ZNF81: variants seen among roughly 807,000 people sequenced by gnomAD.
The protein encoded by ZNF81 is zinc finger protein 81, also known as zinc finger protein 81 (HFZ20).
Under a neutral mutation model 32.3 loss-of-function variants are expected in ZNF81, and 5 were observed. The ratio of observed to expected loss-of-function variants is 0.15; its 90% CI spans 0.08 to 0.33. The LOEUF (loss-of-function observed/expected upper bound fraction) is 0.33, where lower values mean the gene tolerates loss of function less well. ZNF81 is among the 10% of genes least tolerant of loss of function. ZNF81 has a pLI of 1.00. For synonymous variants in ZNF81, 163 were observed against 166.8 expected (o/e 0.98, Z 0.17); for missense variants, 379 against 479.8 (o/e 0.79, Z 1.96).
intron 1 of ZNF81, among the ~76,000 whole-genome samples, chrX:47,843,500 T>C (rs1424161624): frequency 2.7e-5 from 3 of 109,596 alleles, no homozygotes; most frequent in Non-Finnish European, 5.7e-5. Flanking sequence ...CTAGAGAGTT[T>C]TTTTTATGAC....
chrX:47,868,339 T>A (rs782810804), intron 2 of ZNF81, among the ~76,000 whole-genome samples: 134 of 111,874 alleles, frequency 1.2e-3, no homozygotes, highest in Middle Eastern at 4.6e-3. Flanking sequence ...TGCTTTTTTT[T>A]ATACTATTCT....
chrX:47,911,085 A>C (rs1228242586), intron 4 of ZNF81, among the ~76,000 whole-genome samples: 1 of 111,258 alleles, frequency 9.0e-6, no homozygotes, highest in East Asian at 2.8e-4. Flanking sequence ...CATTGCATTT[A>C]TCTTTGCCAT....
At chrX:47,869,887 G>C (rs1419271494) in intron 2 of ZNF81, among the ~76,000 whole-genome samples, 1 of 110,669 alleles carries the variant, frequency 9.0e-6, no homozygotes, top group Non-Finnish European at 1.9e-5. Context: ...GTAGAGACAG[G>C]GTTTTGTCAT....
intron 2 of ZNF81, among the ~76,000 whole-genome samples, chrX:47,882,503 C>T (rs983633913): frequency 1.8e-5 from 2 of 112,127 alleles, no homozygotes; most frequent in Non-Finnish European, 3.8e-5. Flanking sequence ...TATGAAGACA[C>T]CACAATTTGT....
intron 1 of ZNF81, among the ~76,000 whole-genome samples, chrX:47,837,694 G>T (rs1556879279): frequency 8.9e-6 from 1 of 112,170 alleles, no homozygotes; most frequent in African/African-American, 3.2e-5. Flanking sequence ...GCTCTTTCTG[G>T]GTTTGCTATT....
chrX:47,896,004 C>A, intron 4 of ZNF81, 64 bp downstream of exon 4: 1 of 839,743 alleles, frequency 1.2e-6, no homozygotes, highest in Non-Finnish European at 1.7e-6. Flanking sequence ...TAAGGAAGAC[C>A]GATGCCTTTA....
At chrX:47,859,902 G>T (rs1297152835) in intron 2 of ZNF81, among the ~76,000 whole-genome samples, 2 of 110,990 alleles carry the variant, frequency 1.8e-5, no homozygotes, top group African/African-American at 3.3e-5. Context: ...CCTTTGCTCT[G>T]GAGGGAGACA....
intron 1 of ZNF81, chrX:47,841,510 A>T: frequency 1.0e-6 from 1 of 975,752 alleles, no homozygotes. Flanking sequence ...GCACCTTGTC[A>T]CGTTTCTGCC....
intron 2 of ZNF81, among the ~76,000 whole-genome samples, chrX:47,887,300 G>T (rs1017167565): frequency 1.8e-5 from 2 of 111,297 alleles, no homozygotes; most frequent in African/African-American, 6.5e-5. Flanking sequence ...TGGGTCCTTC[G>T]CATAGCCATA....
chrX:47,892,965 A>G (rs782337707), intron 3 of ZNF81, among the ~76,000 whole-genome samples: 3 of 113,098 alleles, frequency 2.7e-5, no homozygotes, highest in Admixed American at 9.3e-5. Flanking sequence ...CTTCAGGCAA[A>G]GTAGGGTTAA....
At position 47,914,994 on chromosome X, in the gene ZNF81, G is replaced by T; in HGVS notation, c.348G>T (p.Glu116Asp). 8.3e-7 allele frequency: 1 copy of T among 1,206,542 alleles called. No homozygotes were observed. The highest frequency in any genetic ancestry group is 1.1e-6 in the Non-Finnish European group (1 of 892,605). ...AATCTACATTTCATAGTGAAATGGA[G>T]GGTGAAGACACAAGAGATGATTCAT... is the stretch of plus-strand genomic sequence containing the variant. ...SGKSTFHSEM[E>D]GEDTRDDSLY... Residue 116 changes from glutamate (E) to aspartate (D), a missense_variant, in exon 5 of 5, where the codon GAG becomes GAT. Physicochemically the swap from Glu to Asp is conservative, Grantham distance 45 (BLOSUM62 2). Coordinates refer to ENST00000338637, the MANE Select transcript of ZNF81 (RefSeq NM_007137.5).
At chrX:47,909,414 C>G in intron 4 of ZNF81, among the ~76,000 whole-genome samples, 1 of 110,941 alleles carries the variant, frequency 9.0e-6, no homozygotes, top group Non-Finnish European at 1.9e-5. Context: ...CTAAGATGCA[C>G]TAGCTAGGGG....
intron 4 of ZNF81, among the ~76,000 whole-genome samples, chrX:47,906,445 G>T (rs1417960718): frequency 1.0e-5 from 1 of 99,464 alleles, no homozygotes; most frequent in Non-Finnish European, 2.0e-5. Context: ...ACAAAATGAA[G>T]TTGCAAATGA....
intron 4 of ZNF81, among the ~76,000 whole-genome samples, chrX:47,896,831 C>G (rs1371988209): frequency 1.8e-5 from 2 of 111,508 alleles, no homozygotes; most frequent in African/African-American, 6.5e-5. Context: ...GGAATAATAC[C>G]TTACATACTC....
intron 1 of ZNF81, among the ~76,000 whole-genome samples, chrX:47,842,122 T>A (rs2058452051): frequency 8.9e-6 from 1 of 112,028 alleles, no homozygotes; most frequent in South Asian, 3.7e-4. Context: ...TCTCCTGTTA[T>A]CTTTCTGTTG....
chrX:47,869,256 A>G (rs1402595786), intron 2 of ZNF81, among the ~76,000 whole-genome samples: 2 of 112,186 alleles, frequency 1.8e-5, no homozygotes, highest in African/African-American at 3.2e-5. Context: ...AAACATTACT[A>G]GTGAAGATGG....
intron 2 of ZNF81, among the ~76,000 whole-genome samples, chrX:47,881,171 A>G (rs2058619339): frequency 8.9e-6 from 1 of 112,240 alleles, no homozygotes; most frequent in African/African-American, 3.2e-5. Flanking sequence ...TTCATGGTCC[A>G]GGACACATAG....
intron 2 of ZNF81, among the ~76,000 whole-genome samples, chrX:47,867,641 A>G (rs1242886069): frequency 8.9e-6 from 1 of 112,238 alleles, no homozygotes; most frequent in Non-Finnish European, 1.9e-5. Context: ...TTGTGGGAAA[A>G]TCCTTTAAGT....
chrX:47,848,334 C>T (rs782801385), intron 2 of ZNF81, among the ~76,000 whole-genome samples: 1 of 111,815 alleles, frequency 8.9e-6, no homozygotes, highest in Non-Finnish European at 1.9e-5. Context: ...TGTCGATGCT[C>T]CTTTGTAAAA....
Sources: allele counts gnomAD v4.1 joint callset (sites outside exome capture counted in the v4.1 genomes callset), GRCh38; gene constraint gnomAD v4.1.1; transcripts MANE v1.5; gene names NCBI Gene and HGNC (gene_info 2026-07-23, HGNC 2026-07-21).